Variants in MOB3B observed in about 807,000 individuals in gnomAD.
MOB3B encodes MOB kinase activator 3B.
In MOB3B, 7 loss-of-function variants were observed where a neutral mutation model predicts 18.7. That is an observed-to-expected ratio of 0.37 (90% CI 0.21 to 0.70). The LOEUF is 0.70. Among genes scored for constraint, MOB3B ranks in the 30% least tolerant of loss-of-function variants. The pLI, the probability that MOB3B is intolerant of heterozygous loss-of-function variation, is 0.52. For missense variants in MOB3B, 253 were observed against 281.3 expected, an observed-to-expected ratio of 0.90 and a Z score of 0.72; for synonymous variants, 111 against 99.9, an observed-to-expected ratio of 1.11 and a Z score of -0.66.
At chr9:27,350,770 C>G (rs1821092271) in intron 3 of MOB3B, among the ~76,000 whole-genome samples, 1 of 152,174 alleles carries the variant, frequency 6.6e-6, no homozygotes, top group Non-Finnish European at 1.5e-5. Context: ...TCCTGAACAA[C>G]CACCAACAGC....
chr9:27,378,016 C>T (rs1821517074), intron 2 of MOB3B, among the ~76,000 whole-genome samples: 1 of 152,242 alleles, frequency 6.6e-6, no homozygotes, highest in South Asian at 2.1e-4. Flanking sequence ...ACATCAATCA[C>T]TTAGACTAAG....
chr9:27,370,105 C>T (rs1180417788), intron 2 of MOB3B, among the ~76,000 whole-genome samples: 2 of 152,126 alleles, frequency 1.3e-5, no homozygotes, highest in African/African-American at 4.8e-5. Flanking sequence ...CCCTCAAATG[C>T]ACGTGTTGAA....
intron 2 of MOB3B, among the ~76,000 whole-genome samples, chr9:27,363,417 C>T (rs979816630): frequency 2.0e-5 from 3 of 151,980 alleles, no homozygotes; most frequent in Admixed American, 6.6e-5. Flanking sequence ...TACAGGCGCC[C>T]GCCGCCACGC....
intron 1 of MOB3B, among the ~76,000 whole-genome samples, chr9:27,511,216 C>A (rs201626948): frequency 5.1e-4 from 74 of 145,754 alleles, no homozygotes; most frequent in East Asian, 7.9e-4. Context: ...TCATCTTTGA[C>A]AAAAAAAAAA....
intron 2 of MOB3B, among the ~76,000 whole-genome samples, chr9:27,451,271 T>C (rs141273723): frequency 2.0e-5 from 3 of 152,288 alleles, no homozygotes; most frequent in Admixed American, 6.5e-5. Context: ...GTTAAAGAAA[T>C]ATAATTGAAA....
rs951084775 is a variant in MOB3B at position 27,328,978 on chromosome 9, C to G, written c.*1609G>C. 1 of 152,518 alleles carries G rather than the reference C, an allele frequency of 6.6e-6. No homozygotes were observed. The highest frequency in any genetic ancestry group is 1.5e-5 in the Non-Finnish European group (1 of 68,022). 9.4% of individuals were successfully genotyped at this position (152,518 alleles called of 1,614,324 possible). On this transcript the variant is annotated 3_prime_UTR_variant, in exon 4 of 4. Coordinates refer to ENST00000262244, the MANE Select transcript of MOB3B (RefSeq NM_024761.5). ...GAGATGACCTTTACGAGACACAAAG[C>G]AAGGTTCAGGCTGCTTGGTTAGGTC... is the stretch of plus-strand genomic sequence containing the variant.
chr9:27,483,830 G>C (rs1035726223), intron 1 of MOB3B, among the ~76,000 whole-genome samples: 1 of 152,180 alleles, frequency 6.6e-6, no homozygotes, highest in Non-Finnish European at 1.5e-5. Context: ...GTGAAGCGAC[G>C]TAGGGGGAAA....
At chr9:27,344,938 G>C (rs547110513) in intron 3 of MOB3B, among the ~76,000 whole-genome samples, 2 of 152,234 alleles carry the variant, frequency 1.3e-5, no homozygotes, top group African/African-American at 4.8e-5. Flanking sequence ...CCGCGACAGG[G>C]TCAACAACCT....
chr9:27,524,761 T>A (rs762130696), intron 1 of MOB3B: 2 of 1,613,384 alleles, frequency 1.2e-6, no homozygotes, highest in South Asian at 2.2e-5. Context: ...ATGAAAGAAA[T>A]GAAAGAGAAT....
chr9:27,348,567 C>T (rs1289676454), intron 3 of MOB3B, among the ~76,000 whole-genome samples: 1 of 151,866 alleles, frequency 6.6e-6, no homozygotes, highest in Non-Finnish European at 1.5e-5. Context: ...GCAGGAGAAT[C>T]GCTTGAACCA....
At chr9:27,376,014 T>C (rs1587165550) in intron 2 of MOB3B, among the ~76,000 whole-genome samples, 1 of 152,212 alleles carries the variant, frequency 6.6e-6, no homozygotes, top group East Asian at 1.9e-4. Context: ...CATCAAGAAA[T>C]AATCACTGGT....
Position 27,506,624 on chromosome 9 carries a change from T to G in MOB3B, c.-199+22931A>C, listed in dbSNP as rs542844813. On this transcript the variant is annotated intron_variant, in intron 1 of 3. Coordinates refer to ENST00000262244, the MANE Select transcript of MOB3B (RefSeq NM_024761.5). ...TCAGCTCACTGCAACTTCCGCCTCC[T>G]GGATTTAAGCAATTCTCTGCCTCAG... 9.9e-5 allele frequency among the ~76,000 whole-genome samples: 15 copies of G among 152,002 alleles called. No individual in the cohort carries two copies. In the East Asian group the frequency reaches 2.9e-3, roughly 29 times the overall value.
intron 2 of MOB3B, 45 bp from the exon 3 acceptor site, chr9:27,359,281 G>C (rs747245691): frequency 2.6e-6 from 4 of 1,533,486 alleles, no homozygotes; most frequent in Admixed American, 1.7e-5. Context: ...TGATGGGATA[G>C]ATCCTTTTCC....
intron 3 of MOB3B, among the ~76,000 whole-genome samples, chr9:27,330,866 T>C (rs1820777582): frequency 6.6e-6 from 1 of 152,184 alleles, no homozygotes; most frequent in South Asian, 2.1e-4. Context: ...TTGCTTTTTC[T>C]GAGAAATTGC....
intron 1 of MOB3B, among the ~76,000 whole-genome samples, chr9:27,473,667 C>A (rs370761523): frequency 4.7e-4 from 71 of 152,204 alleles, no homozygotes; most frequent in African/African-American, 1.6e-3. Context: ...TGGACCCCAT[C>A]AAGACATTCC....
At chr9:27,416,808 T>G (rs1390954740) in intron 2 of MOB3B, among the ~76,000 whole-genome samples, 1 of 152,110 alleles carries the variant, frequency 6.6e-6, no homozygotes, top group East Asian at 1.9e-4. Flanking sequence ...AAAGCTGGGA[T>G]TACCGGCATG....
intron 3 of MOB3B, among the ~76,000 whole-genome samples, chr9:27,331,825 G>C (rs371045854): frequency 7.9e-5 from 12 of 152,096 alleles, no homozygotes; most frequent in African/African-American, 2.9e-4. Context: ...AGGAAACATC[G>C]AGAAAAAGGA....
intron 1 of MOB3B, among the ~76,000 whole-genome samples, chr9:27,493,460 G>GA (rs543603973): frequency 4.2e-4 from 64 of 152,206 alleles, no homozygotes; most frequent in Middle Eastern, 6.8e-3. Context: ...CTAACATGGT[G>GA]AAACCCTGTC....
At chr9:27,383,157 T>C (rs1821604071) in intron 2 of MOB3B, among the ~76,000 whole-genome samples, 1 of 152,074 alleles carries the variant, frequency 6.6e-6, no homozygotes, top group African/African-American at 2.4e-5. Context: ...ACACCCTGCT[T>C]GCACATGATC....
Sources: allele counts gnomAD v4.1 joint callset (sites outside exome capture counted in the v4.1 genomes callset), GRCh38; gene constraint gnomAD v4.1.1; transcripts MANE v1.5; gene names NCBI Gene and HGNC (gene_info 2026-07-23, HGNC 2026-07-21).